FDFT1: variants seen among roughly 807,000 people sequenced by gnomAD.
FDFT1 encodes the protein farnesyl-diphosphate farnesyltransferase 1.
In FDFT1, 68 loss-of-function variants were observed where a neutral mutation model predicts 46.8. The observed-to-expected ratio is 1.45, with a 90% confidence interval of 1.19 to 1.78. The LOEUF is 1.78. Ranked by LOEUF, FDFT1 falls within the 40% of genes most tolerant of loss-of-function variation. The pLI, the probability that FDFT1 is intolerant of heterozygous loss-of-function variation, is 0.00. For synonymous variants in FDFT1, 351 were observed against 185.1 expected, an observed-to-expected ratio of 1.90 and a Z score of -7.28; for missense variants, 928 against 524.4, an observed-to-expected ratio of 1.77 and a Z score of -7.52.
At chr8:11,827,879 A>C (rs1335621053) in intron 5 of FDFT1, among the ~76,000 whole-genome samples, 1 of 147,818 alleles carries the variant, frequency 6.8e-6, no homozygotes, top group African/African-American at 2.6e-5. Context: ...ATCTCTTAAA[A>C]CAAAACAAAA....
Position 11,807,220 on chromosome 8 carries a change from G to A in FDFT1, c.100-1574G>A, listed in dbSNP as rs183962919. Among the ~76,000 whole-genome samples, 23 of 152,222 alleles carry A rather than the reference G, an allele frequency of 1.5e-4. No individual in the cohort carries two copies. In the East Asian group the frequency reaches 3.9e-3, roughly 26 times the overall value. Reference sequence around the variant, plus strand: ...GTACAATATCATAGTTCACTGTAACGTGTATCTCCTGGGCTCAAGCGATCC... The same window carrying A: ...GTACAATATCATAGTTCACTGTAACATGTATCTCCTGGGCTCAAGCGATCC... On this transcript the variant is annotated intron_variant, in intron 1 of 7. Coordinates refer to ENST00000220584, the MANE Select transcript of FDFT1 (RefSeq NM_004462.5).
At chr8:11,799,408 G>C (rs933665702), upstream of FDFT1, among the ~76,000 whole-genome samples, 1 of 152,252 alleles carries the variant, frequency 6.6e-6, no homozygotes, top group African/African-American at 2.4e-5. Flanking sequence ...CCCTGTGGCA[G>C]TTAGAGCTTA....
chr8:11,837,385 C>T (rs1482197297), intron 7 of FDFT1, among the ~76,000 whole-genome samples: 1 of 152,196 alleles, frequency 6.6e-6, no homozygotes, highest in Non-Finnish European at 1.5e-5. Flanking sequence ...GTGCATGCCA[C>T]GATGCCCGGC....
intron 3 of FDFT1, among the ~76,000 whole-genome samples, chr8:11,815,152 AATG>A (rs1360093791): frequency 6.6e-6 from 1 of 152,144 alleles, no homozygotes; most frequent in African/African-American, 2.4e-5. Context: ...CTTTGCTCAG[AATG>A]ATGATTTCCA....
At chr8:11,824,483 G>GT (rs956942948) in intron 4 of FDFT1, among the ~76,000 whole-genome samples, 1 of 152,118 alleles carries the variant, frequency 6.6e-6, no homozygotes, top group African/African-American at 2.4e-5. Context: ...TGAACTCTTA[G>GT]CCCCTGCCAC....
intron 3 of FDFT1, among the ~76,000 whole-genome samples, chr8:11,814,805 G>C (rs1808213434): frequency 1.3e-5 from 2 of 151,824 alleles, no homozygotes; most frequent in Admixed American, 1.3e-4. Context: ...TAACTAATGA[G>C]ATAAAATGGT....
chr8:11,832,677 TTGGACAATGTC>T (rs1361821195), intron 7 of FDFT1, among the ~76,000 whole-genome samples: 2 of 151,408 alleles, frequency 1.3e-5, no homozygotes, highest in Non-Finnish European at 2.9e-5. Context: ...CCAGAGGACA[TTGGACAATGTC>T]TGGAGACATT....
intron 3 of FDFT1, among the ~76,000 whole-genome samples, chr8:11,818,542 C>A (rs1189555863): frequency 6.6e-6 from 1 of 152,046 alleles, no homozygotes; most frequent in South Asian, 2.1e-4. Flanking sequence ...AATCTGGGTG[C>A]TCCTGTATTG....
chr8:11,823,255 A>T (rs1311175890), intron 4 of FDFT1, among the ~76,000 whole-genome samples: 4 of 152,158 alleles, frequency 2.6e-5, no homozygotes, highest in Non-Finnish European at 5.9e-5. Flanking sequence ...AATTATTTCA[A>T]GGAGTTATTT....
intron 3 of FDFT1, among the ~76,000 whole-genome samples, chr8:11,815,385 A>G (rs1808308330): frequency 6.6e-6 from 1 of 152,214 alleles, no homozygotes; most frequent in African/African-American, 2.4e-5. Flanking sequence ...GTATATGCCC[A>G]GTAATGGGAT....
intron 3 of FDFT1, among the ~76,000 whole-genome samples, chr8:11,817,228 C>T (rs1423529994): frequency 3.3e-5 from 5 of 152,158 alleles, no homozygotes; most frequent in East Asian, 3.8e-4. Flanking sequence ...CCGACTTGAT[C>T]GTGGTGGATA....
At chr8:11,796,260 T>C (rs1805555071) in intron 1 of FDFT1, among the ~76,000 whole-genome samples, 1 of 152,226 alleles carries the variant, frequency 6.6e-6, no homozygotes, top group African/African-American at 2.4e-5. Context: ...GTTAAGTGAC[T>C]GGACTGTTTG....
chr8:11,800,178 T>C (rs1454204702), upstream of FDFT1, among the ~76,000 whole-genome samples: 5 of 135,482 alleles, frequency 3.7e-5, no homozygotes, highest in South Asian at 2.3e-4. Context: ...GGAGAAGCAC[T>C]TGAACCCAGA....
At chr8:11,823,768 G>A (rs1809581209) in intron 4 of FDFT1, among the ~76,000 whole-genome samples, 1 of 152,052 alleles carries the variant, frequency 6.6e-6, no homozygotes, top group Non-Finnish European at 1.5e-5. Context: ...TTTTGAGACA[G>A]GGTATTGCTC....
In FDFT1 at chr8:11,805,426, A is replaced by G. The variant is rs188422107; in HGVS notation, c.99+2495A>G. Among the ~76,000 whole-genome samples, 19 of 152,350 alleles carry G rather than the reference A, an allele frequency of 1.2e-4. No individual in the cohort carries two copies. The East Asian group carries it at 3.7e-3, about 29-fold the overall frequency. ...AAAAGCCGAGAGTAATGGAAAGAGC[A>G]GGCTGTTAGTAATCAGGCAGATCTG... On this transcript the variant is annotated intron_variant, in intron 1 of 7. Coordinates refer to ENST00000220584, the MANE Select transcript of FDFT1 (RefSeq NM_004462.5).
intron 3 of FDFT1, among the ~76,000 whole-genome samples, chr8:11,814,391 A>G (rs910909429): frequency 6.6e-6 from 1 of 151,658 alleles, no homozygotes; most frequent in Admixed American, 6.6e-5. Context: ...GTATGTTGCA[A>G]TCAGCCGGCC....
At chr8:11,836,334 G>A (rs1186816268) in intron 7 of FDFT1, among the ~76,000 whole-genome samples, 1 of 152,204 alleles carries the variant, frequency 6.6e-6, no homozygotes, top group African/African-American at 2.4e-5. Flanking sequence ...TTCGGCCACT[G>A]CTGTAGCAAC....
intron 7 of FDFT1, among the ~76,000 whole-genome samples, chr8:11,833,566 T>C (rs1236879510): frequency 6.6e-6 from 1 of 152,262 alleles, no homozygotes; most frequent in East Asian, 1.9e-4. Flanking sequence ...ATTTGGTTTT[T>C]CCTTAACTAT....
chr8:11,814,239 C>G (rs945501395), intron 3 of FDFT1, among the ~76,000 whole-genome samples: 8 of 151,136 alleles, frequency 5.3e-5, no homozygotes, highest in African/African-American at 1.9e-4. Context: ...TTGGCTTGAA[C>G]AGCTGTTGTG....
Sources: gnomAD v4.1 joint callset for allele counts (sites outside exome capture counted in the v4.1 genomes callset) on GRCh38, gnomAD v4.1.1 for gene constraint, MANE v1.5 for transcripts, NCBI Gene and HGNC (gene_info 2026-07-23, HGNC 2026-07-21) for gene names.